PPP1R13L: variants seen among roughly 807,000 people sequenced by gnomAD.
PPP1R13L encodes the protein relA-associated inhibitor.
A neutral mutation model predicts 80.9 loss-of-function variants in PPP1R13L; 50 were observed. The ratio of observed to expected loss-of-function variants is 0.62; its 90% confidence interval spans 0.49 to 0.78. PPP1R13L has a LOEUF of 0.78. Among genes scored for constraint, PPP1R13L ranks in the 30% least tolerant of loss-of-function variants. The pLI is 0.00. For synonymous variants in PPP1R13L, 602 were observed against 534.3 expected, an observed-to-expected ratio of 1.13 and a Z score of -1.75; for missense variants, 1,200 against 1,205.9, an observed-to-expected ratio of 1.00 and a Z score of 0.07.
chr19:45,380,233 G>T lies in PPP1R13L; in HGVS notation c.2449-5C>A. The T allele has an allele frequency of 1.9e-6, 3 of 1,613,984 alleles. No individual in the cohort carries two copies. The highest frequency in any genetic ancestry group is 2.5e-6 in the Non-Finnish European group (3 of 1,179,978). Reference sequence around the variant, plus strand: ...AGGCTTCACCCTGGGGAACAGCTGGGGAGAGACAGGATCTTCAGACATCAG... The same window carrying T: ...AGGCTTCACCCTGGGGAACAGCTGGTGAGAGACAGGATCTTCAGACATCAG... On this transcript the variant is annotated splice_polypyrimidine_tract_variant and splice_region_variant and intron_variant, in intron 12 of 12. Coordinates refer to ENST00000360957, the MANE Select transcript of PPP1R13L (RefSeq NM_006663.4).
At position 45,395,596 on chromosome 19, in the gene PPP1R13L, G is replaced by A; in HGVS notation, c.1194C>T (p.Phe398=). The A allele has an allele frequency of 6.8e-7, 1 of 1,476,000 alleles. No individual in the cohort carries two copies. The highest frequency in any genetic ancestry group is 2.1e-4 in the Middle Eastern group (1 of 4,876). The allele number at this position is 1,476,000 out of a possible 1,614,324, so 91.4% of individuals were successfully genotyped here. A position where few individuals can be genotyped will look rare whatever the true frequency, so the allele number is the denominator to read the frequency against. Residue 398 remains phenylalanine (F), a synonymous_variant, in exon 7 of 13, where the codon TTC becomes TTT. Coordinates refer to ENST00000360957, the MANE Select transcript of PPP1R13L (RefSeq NM_006663.4). ...SRAMLPGSPL[F]TRAPPPKLQP... ...GCAGCTTAGGCGGGGGTGCTCGGGTGAAGAGGGGGGACCCAGGGAGCATGG... is the reference window on the plus strand; with the variant it reads ...GCAGCTTAGGCGGGGGTGCTCGGGTAAAGAGGGGGGACCCAGGGAGCATGG...
chr19:45,398,256 C>T lies in PPP1R13L; in HGVS notation c.55+8G>A, dbSNP rs939873808. 1 of 1,613,908 alleles carries T rather than the reference C, an allele frequency of 6.2e-7. No individual in the cohort carries two copies. Among genetic ancestry groups the T allele is most frequent in the Non-Finnish European group, 8.5e-7 (1 of 1,179,908 alleles). On this transcript the variant is annotated splice_region_variant and intron_variant, in intron 2 of 12. Transcript: ENST00000360957. ...GCCTCGCCAGCCCCGCCCCCTACTC[C>T]AGCTTACACTGGAAGTTCATGTCCA...
At chr19:45,386,507 A>G (rs1379059636) in intron 8 of PPP1R13L, among the ~76,000 whole-genome samples, 1 of 152,132 alleles carries the variant, frequency 6.6e-6, no homozygotes, top group Non-Finnish European at 1.5e-5. Flanking sequence ...ACACAGTCTC[A>G]CATTTCTTTT....
chr19:45,395,731 G>A lies in PPP1R13L; in HGVS notation c.1059C>T (p.Pro353=). ...PRSWQPVSRI[P]MPPSSPQPRG... is the part of the protein sequence containing the mutation. ...GGGGCTGGGGGCTGGAGGGGGGCAT[G>A]GGGATGCGGCTGACGGGCTGCCAGC... The change falls in exon 7 of 13, where the codon CCC becomes CCT. Residue 353 remains proline, a synonymous_variant. Transcript: ENST00000360957. The A allele has an allele frequency of 3.3e-6, 5 of 1,511,508 alleles. No homozygotes were observed. Among genetic ancestry groups the A allele is most frequent in the Non-Finnish European group, 4.4e-6 (5 of 1,135,138 alleles). 93.6% of individuals were successfully genotyped at this position (1,511,508 alleles called of 1,614,324 possible). A position where few individuals can be genotyped will look rare whatever the true frequency, so the allele number is the denominator to read the frequency against.
In PPP1R13L at chr19:45,395,474, G is replaced by A; in HGVS notation, c.1316C>T (p.Pro439Leu). The change falls in exon 7 of 13, where the codon CCC (proline) becomes CTC (leucine). Residue 439 changes from proline to leucine, a missense_variant. Pro to Leu is a moderately conservative substitution (Grantham distance 98). Around this residue, in one of 5 missense-constraint regions of PPP1R13L, gnomAD observed 764 missense variants for 714.5 expected, o/e 1.07. Transcript: ENST00000360957. ...GGGCCATGTCTGTTGGGGATGCTGGGGGGCTGGGGTAGGGGTTTGGGGTTG... is the reference window on the plus strand; with the variant it reads ...GGGCCATGTCTGTTGGGGATGCTGGAGGGCTGGGGTAGGGGTTTGGGGTTG... ...QTQPQTPTPA[P>L]QHPQQTWPPV... The A allele has an allele frequency of 1.3e-6, 2 of 1,523,296 alleles. 1 individual carries two copies. The highest frequency in any genetic ancestry group is 1.8e-6 in the Non-Finnish European group (2 of 1,134,726). The allele number at this position is 1,523,296 out of a possible 1,614,324, so 94.4% of individuals were successfully genotyped here.
In PPP1R13L at chr19:45,397,996, C is replaced by T. The variant is rs1387516283; in HGVS notation, c.198+9G>A. The T allele has an allele frequency of 6.2e-7, 1 of 1,604,474 alleles. No homozygotes were observed. The highest frequency in any genetic ancestry group is 8.5e-7 in the Non-Finnish European group (1 of 1,173,594). Reference sequence around the variant, plus strand: ...TGGCTTTGGAGATCAAGGTGGGAACCAGGCTTACCCTAGAAGGGGGTCCGG... The same window carrying T: ...TGGCTTTGGAGATCAAGGTGGGAACTAGGCTTACCCTAGAAGGGGGTCCGG... On this transcript the variant is annotated intron_variant, in intron 3 of 12. Coordinates refer to ENST00000360957, the MANE Select transcript of PPP1R13L (RefSeq NM_006663.4).
rs537356368 is a variant in PPP1R13L at position 45,398,309 on chromosome 19, C to A, written c.10G>T (p.Glu4Ter). The change falls in exon 2 of 13, where the codon GAG becomes TAG. Residue 4 changes from glutamate to a stop codon, truncating the protein, a stop_gained. Transcript: ENST00000360957. LOFTEE classifies it high-confidence loss of function. The stretch of plus-strand genomic sequence containing the variant: ...AAGTCCCGCGCGCTCTGGAATGCCT[C>A]GCTGTCCATGGTGCCGGCCGGAGCG... MDS[E>*]AFQSARDFLD... is the part of the protein sequence containing the mutation. 6.2e-7 allele frequency: 1 copy of A among 1,613,830 alleles called. No homozygotes were observed. The highest frequency in any genetic ancestry group is 2.2e-5 in the East Asian group (1 of 44,876).
In PPP1R13L at chr19:45,397,461, T is replaced by C. The variant is rs536639514; in HGVS notation, c.199-403A>G. Among the ~76,000 whole-genome samples, 53 of 69,772 alleles carry C rather than the reference T, an allele frequency of 7.6e-4. 1 individual carries two copies. In the East Asian group the frequency reaches 0.027, roughly 36 times the overall value. The allele number at this position is 69,772 out of a possible 152,430, so 45.8% of individuals were successfully genotyped here. On this transcript the variant is annotated intron_variant, in intron 3 of 12. Coordinates refer to ENST00000360957, the MANE Select transcript of PPP1R13L (RefSeq NM_006663.4). ...CCTCCCTCCCTCCCTGCTTGCTTGC[T>C]TTCTCTCTCTCTCTTTCTTTCTTTC...
At chr19:45,399,044 T>C (rs917844125) in intron 1 of PPP1R13L, among the ~76,000 whole-genome samples, 15 of 151,870 alleles carry the variant, frequency 9.9e-5, no homozygotes, top group East Asian at 2.0e-4. Flanking sequence ...CCAGGGTTCA[T>C]GCCAGTCTCC....
At chr19:45,402,819 G>A (rs1166383659) in intron 1 of PPP1R13L, among the ~76,000 whole-genome samples, 2 of 152,176 alleles carry the variant, frequency 1.3e-5, no homozygotes, top group Non-Finnish European at 2.9e-5. Context: ...TCCTTCCCTG[G>A]CCTCCTCTGC....
rs981493624 is a variant in PPP1R13L at position 45,389,805 on chromosome 19, A to T, written c.1815+2075T>A. ...TATTTATTTATTTATTTTTATTTTT[A>T]TTTTTTTTGAGACGGAATCTTGCTC... On this transcript the variant is annotated intron_variant, in intron 8 of 12. Transcript: ENST00000360957. Among the ~76,000 whole-genome samples the T allele has an allele frequency of 9.9e-5, 15 of 151,446 alleles. No individual in the cohort carries two copies. In the East Asian group the frequency reaches 1.2e-3, roughly 12 times the overall value.
intron 7 of PPP1R13L, among the ~76,000 whole-genome samples, chr19:45,394,179 T>C (rs1375253717): frequency 6.6e-6 from 1 of 152,126 alleles, no homozygotes; most frequent in East Asian, 1.9e-4. Flanking sequence ...TCACCCAGGC[T>C]GGAGTGCAGT....
chr19:45,398,215 C>A (rs781224418), intron 2 of PPP1R13L, 49 bp downstream of exon 2: 1 of 1,613,050 alleles, frequency 6.2e-7, no homozygotes, highest in Non-Finnish European at 8.5e-7. Context: ...ACCCCTCGCC[C>A]GCTGCCGAGG....
chr19:45,405,653 C>G (rs1477758307), upstream of PPP1R13L, among the ~76,000 whole-genome samples: 20 of 152,210 alleles, frequency 1.3e-4, no homozygotes, highest in Non-Finnish European at 1.5e-5. Flanking sequence ...TTCCCCTTCC[C>G]CTTGACCCTC....
In PPP1R13L at chr19:45,382,673, C is replaced by T; in HGVS notation, c.2302G>A (p.Asp768Asn). The T allele has an allele frequency of 6.2e-7, 1 of 1,614,034 alleles. No homozygotes were observed. The highest frequency in any genetic ancestry group is 8.5e-7 in the Non-Finnish European group (1 of 1,180,044). Residue 768 changes from aspartate (D) to asparagine (N), a missense_variant, in exon 12 of 13, where the codon GAC becomes AAC. This residue lies in a region of PPP1R13L where 165 missense variants were observed against 177.1 expected (regional missense o/e 0.93). Transcript: ENST00000360957. ...TCGTCCCCGAACTCGGCGCTGTAGT[C>T]CCAGAGAGCGTACACTGCCCCGCTG... ...MNSGAVYALWDYSAEFGDELS... is the reference protein window; with the variant it reads ...MNSGAVYALWNYSAEFGDELS...
Position 45,383,349 on chromosome 19 carries a change from G to C in PPP1R13L, c.2249-623C>G, listed in dbSNP as rs560072839. ...AATTTCGCTCTTGTCGCCCAGGCAGGAGTGCAATGGTGCGGTCTCACTGCA... is the reference window on the plus strand; with the variant it reads ...AATTTCGCTCTTGTCGCCCAGGCAGCAGTGCAATGGTGCGGTCTCACTGCA... On this transcript the variant is annotated intron_variant, in intron 11 of 12. Transcript: ENST00000360957. 5.6e-5 allele frequency among the ~76,000 whole-genome samples: 7 copies of C among 125,396 alleles called. 1 individual carries two copies. The South Asian group carries it at 1.9e-3, about 33-fold the overall frequency. The allele number at this position is 125,396 out of a possible 152,430, so 82.3% of individuals were successfully genotyped here. A position where few individuals can be genotyped will look rare whatever the true frequency, so the allele number is the denominator to read the frequency against.
intron 8 of PPP1R13L, among the ~76,000 whole-genome samples, chr19:45,388,073 G>A (rs1467761695): frequency 6.6e-6 from 1 of 151,850 alleles, no homozygotes; most frequent in Non-Finnish European, 1.5e-5. Context: ...GGAGGCCGTG[G>A]CATGAGAATC....
At position 45,395,722 on chromosome 19, in the gene PPP1R13L, G is replaced by T. The variant is rs1438539758; in HGVS notation, c.1068C>A (p.Pro356=). The T allele has an allele frequency of 6.7e-7, 1 of 1,495,514 alleles. No individual in the cohort carries two copies. The allele number at this position is 1,495,514 out of a possible 1,614,324, so 92.6% of individuals were successfully genotyped here. The change falls in exon 7 of 13, where the codon CCC becomes CCA. Residue 356 remains proline, a synonymous_variant. Transcript: ENST00000360957. Reference sequence around the variant, plus strand: ...GGGCCCCGCGGGGCTGGGGGCTGGAGGGGGGCATGGGGATGCGGCTGACGG... The same window carrying T: ...GGGCCCCGCGGGGCTGGGGGCTGGATGGGGGCATGGGGATGCGGCTGACGG... ...WQPVSRIPMP[P]SSPQPRGAPR... is the part of the protein sequence containing the mutation.
intron 12 of PPP1R13L, among the ~76,000 whole-genome samples, chr19:45,381,219 T>A (rs1201581085): frequency 6.6e-6 from 1 of 150,982 alleles, no homozygotes; most frequent in African/African-American, 2.4e-5. Context: ...CACACCCGGC[T>A]AACTTTTTTT....
Sources: gnomAD v4.1 joint callset for allele counts (sites outside exome capture counted in the v4.1 genomes callset) on GRCh38, gnomAD v4.1.1 for gene constraint, gnomAD v4.1.1 regional missense constraint, MANE v1.5 for transcripts, NCBI Gene and HGNC (gene_info 2026-07-23, HGNC 2026-07-21) for gene names.